Variants in SPATA13 observed in about 807,000 individuals in gnomAD.
SPATA13 encodes the protein spermatogenesis associated 13, also known as spermatogenesis-associated protein 13.
Under a neutral mutation model 104.0 loss-of-function variants are expected in SPATA13, and 50 were observed. The ratio of observed to expected loss-of-function variants is 0.48; its 90% CI spans 0.38 to 0.61. SPATA13 has a LOEUF of 0.61. SPATA13 is among the 20% of genes least tolerant of loss of function. The pLI is 0.00. For synonymous variants in SPATA13, 606 were observed against 667.5 expected (o/e 0.91, Z 1.42); for missense variants, 1,524 against 1,690.6 (o/e 0.90, Z 1.73).
intron 2 of SPATA13, among the ~76,000 whole-genome samples, chr13:24,237,991 A>AATATAT (rs201481847): frequency 1.0e-5 from 1 of 95,768 alleles, no homozygotes; most frequent in Non-Finnish European, 2.3e-5. Context: ...AAACATGTAT[A>AATATAT]ATATATATAT....
At chr13:24,275,698 C>G (rs1874927827) in intron 4 of SPATA13, among the ~76,000 whole-genome samples, 1 of 152,206 alleles carries the variant, frequency 6.6e-6, no homozygotes, top group Admixed American at 6.5e-5. Flanking sequence ...CTTTGGGAAG[C>G]CAAGGCAGGT....
chr13:24,199,079 G>C lies in SPATA13; in HGVS notation c.-111-23740G>C, dbSNP rs1320493679. Among the ~76,000 whole-genome samples, 3 of 151,706 alleles carry C rather than the reference G, an allele frequency of 2.0e-5. No homozygotes were observed. In the East Asian group the frequency reaches 5.8e-4, roughly 29 times the overall value. ...AATTTTTGTATTTTTTACAGAGACAGGATTTTATCATGTTGCTCAGGCTGG... is the reference window on the plus strand; with the variant it reads ...AATTTTTGTATTTTTTACAGAGACACGATTTTATCATGTTGCTCAGGCTGG... On this transcript the variant is annotated intron_variant, in intron 1 of 12. Coordinates refer to ENST00000382108, the MANE Select transcript of SPATA13 (RefSeq NM_001166271.3).
rs909938417 is a variant in SPATA13, at chr13:24,294,645, T to G, written c.3081-94T>G. On this transcript the variant is annotated intron_variant, in intron 9 of 12. Coordinates refer to ENST00000382108, the MANE Select transcript of SPATA13 (RefSeq NM_001166271.3). ...CGTAAATGTCACTTTGTCTAGAGCA[T>G]TCGTATACGAAGAAGCGCCCCAGTG... 114 of 1,379,534 alleles carry G rather than the reference T, an allele frequency of 8.3e-5. 1 individual carries two copies. Among genetic ancestry groups the G allele is most frequent in the Non-Finnish European group, 1.0e-4 (104 of 1,013,078 alleles). The allele number at this position is 1,379,534 out of a possible 1,614,324, so 85.5% of individuals were successfully genotyped here.
At chr13:24,226,037 C>A (rs772127556) in intron 2 of SPATA13, among the ~76,000 whole-genome samples, 54 of 152,200 alleles carry the variant, frequency 3.5e-4, no homozygotes, top group Non-Finnish European at 7.1e-4. Flanking sequence ...TCTCTGCAGG[C>A]AGGTAGTCCC....
At chr13:24,158,360 G>A (rs756341882), upstream of SPATA13, among the ~76,000 whole-genome samples, 4 of 152,186 alleles carry the variant, frequency 2.6e-5, no homozygotes, top group Non-Finnish European at 5.9e-5. Flanking sequence ...GGAGACCTAG[G>A]CTTTTACACA....
chr13:23,998,174 T>C (rs1020836615), intron 2 of SPATA13, among the ~76,000 whole-genome samples: 1 of 152,258 alleles, frequency 6.6e-6, no homozygotes, highest in Non-Finnish European at 1.5e-5. Context: ...CCATTTCACT[T>C]TCTCAACAGC....
At chr13:24,193,432 G>C (rs1869882006) in intron 1 of SPATA13, among the ~76,000 whole-genome samples, 1 of 152,224 alleles carries the variant, frequency 6.6e-6, no homozygotes, top group Non-Finnish European at 1.5e-5. Context: ...GCCTCAGCGT[G>C]GTTGAATCTG....
intron 9 of SPATA13, among the ~76,000 whole-genome samples, chr13:24,291,765 T>TTTTATTTTTTA: frequency 6.8e-6 from 1 of 147,042 alleles, no homozygotes; most frequent in African/African-American, 2.5e-5. Flanking sequence ...TATTTTTTTT[T>TTTTATTTTTTA]TTGAGACGGA....
intron 2 of SPATA13, among the ~76,000 whole-genome samples, chr13:24,236,445 A>T (rs1872572043): frequency 6.6e-6 from 1 of 152,010 alleles, no homozygotes; most frequent in Non-Finnish European, 1.5e-5. Flanking sequence ...ATAAAAAAAA[A>T]TTAGCTGGGC....
At chr13:24,012,636 G>C (rs917313851) in intron 2 of SPATA13, among the ~76,000 whole-genome samples, 1 of 152,230 alleles carries the variant, frequency 6.6e-6, no homozygotes, top group African/African-American at 2.4e-5. Context: ...CCTGGAGTCT[G>C]TTCCCTCCCC....
chr13:24,144,996 G>A (rs1168520597), intron 3 of SPATA13, among the ~76,000 whole-genome samples: 3 of 152,168 alleles, frequency 2.0e-5, no homozygotes, highest in Admixed American at 6.5e-5. Context: ...GGTCCCTTGG[G>A]TAGTGATAAG....
chr13:24,152,545 A>G (rs369841721), intron 3 of SPATA13, among the ~76,000 whole-genome samples: 2 of 152,220 alleles, frequency 1.3e-5, no homozygotes, highest in Non-Finnish European at 2.9e-5. Flanking sequence ...CGGGTGTTCT[A>G]TGCCAGTGAG....
chr13:24,286,435 G>T lies in SPATA13; in HGVS notation c.2481+42G>T. On this transcript the variant is annotated intron_variant, in intron 6 of 12. Transcript: ENST00000382108. The surrounding 1 kb of genome is among the most constrained non-coding windows in gnomAD (Gnocchi z 4.9). ...TGCAGCTTTTCCAAAGTACCTGGGGGAGCTGCAGGATCCTTTCAGGTCAGA... is the reference window on the plus strand; with the variant it reads ...TGCAGCTTTTCCAAAGTACCTGGGGTAGCTGCAGGATCCTTTCAGGTCAGA... 6.3e-7 allele frequency: 1 copy of T among 1,583,646 alleles called. No individual in the cohort carries two copies. The highest frequency in any genetic ancestry group is 2.2e-5 in the East Asian group (1 of 44,554).
intron 1 of SPATA13, among the ~76,000 whole-genome samples, chr13:24,169,622 A>G (rs1882883843): frequency 6.6e-6 from 1 of 152,176 alleles, no homozygotes; most frequent in Non-Finnish European, 1.5e-5. Flanking sequence ...GGGAGCATCA[A>G]GATGGGGGTC....
In SPATA13 at chr13:24,306,175, A is replaced by T. The variant is rs1877565172; in HGVS notation, c.*3402A>T. On this transcript the variant is annotated 3_prime_UTR_variant, in exon 13 of 13. Coordinates refer to ENST00000382108, the MANE Select transcript of SPATA13 (RefSeq NM_001166271.3). ...AATCCCCCCATCCTACATGACTGTT[A>T]TCTAGACATAAAGCAAAGTGCATTT... is the stretch of plus-strand genomic sequence containing the variant. 1 of 152,234 alleles carries T rather than the reference A, an allele frequency of 6.6e-6. No homozygotes were observed. Among genetic ancestry groups the T allele is most frequent in the Admixed American group, 6.5e-5 (1 of 15,288 alleles). 9.4% of individuals were successfully genotyped at this position (152,234 alleles called of 1,614,324 possible).
rs763204181 is a variant in SPATA13 at position 24,297,575 on chromosome 13, C to A, written c.3423C>A (p.Arg1141=). The A allele has an allele frequency of 1.9e-6, 3 of 1,614,050 alleles. No individual in the cohort carries two copies. The African/African-American group carries it at 4.0e-5, about 22-fold the overall frequency. The change falls in exon 11 of 13, where the codon CGC becomes CGA. Residue 1141 remains arginine (R), a synonymous_variant. Coordinates refer to ENST00000382108, the MANE Select transcript of SPATA13 (RefSeq NM_001166271.3). The part of the protein sequence containing the change: ...EMELVDLGDG[R]DKDCNLSVKN... ...AGCTTGTGGACCTGGGGGATGGGCG[C>A]GACAAGGACTGCAACCTCAGCGTGA...
chr13:24,216,742 T>C (rs1267823914), intron 1 of SPATA13, among the ~76,000 whole-genome samples: 1 of 152,208 alleles, frequency 6.6e-6, no homozygotes, highest in Non-Finnish European at 1.5e-5. Flanking sequence ...CCTTGGATGC[T>C]TTCTCTTTAT....
upstream of SPATA13, among the ~76,000 whole-genome samples, chr13:24,156,395 G>A (rs1177879533): frequency 6.6e-6 from 1 of 152,162 alleles, no homozygotes; most frequent in Non-Finnish European, 1.5e-5. Flanking sequence ...CAGACAGGGA[G>A]GCACCGTAGA....
At chr13:24,139,484 T>A (rs551768106) in intron 3 of SPATA13, among the ~76,000 whole-genome samples, 1 of 152,326 alleles carries the variant, frequency 6.6e-6, no homozygotes, top group African/African-American at 2.4e-5. Context: ...GGCAGGTGAC[T>A]GGTACAATTG....
Sources: gnomAD v4.1 joint callset for allele counts (sites outside exome capture counted in the v4.1 genomes callset) on GRCh38, gnomAD v4.1.1 for gene constraint, Gnocchi (gnomAD v3.1) non-coding constraint, MANE v1.5 for transcripts, NCBI Gene and HGNC (gene_info 2026-07-23, HGNC 2026-07-21) for gene names.